Variants in OPCML observed in about 807,000 individuals in gnomAD.
OPCML encodes the protein opioid binding protein/cell adhesion molecule like, also known as opioid-binding protein/cell adhesion molecule.
OPCML carries 13 observed loss-of-function variants against 37.8 expected under a neutral mutation model. The ratio of observed to expected loss-of-function variants is 0.34; its 90% CI spans 0.22 to 0.55. OPCML has a LOEUF of 0.55. OPCML is among the 20% of genes least tolerant of loss of function. The probability of loss-of-function intolerance (pLI) is 0.91; values close to 1 mark genes in which losing one functional copy is unlikely to be tolerated. For missense variants in OPCML, 341 were observed against 435.6 expected (o/e 0.78, Z 1.93); for synonymous variants, 176 against 168.8 (o/e 1.04, Z -0.33).
chr11:132,946,073 C>T (rs922438466), intron 1 of OPCML, among the ~76,000 whole-genome samples: 4 of 152,164 alleles, frequency 2.6e-5, no homozygotes, highest in Non-Finnish European at 4.4e-5. Context: ...TGAGCCACTG[C>T]GCCCGGCCTA....
intron 1 of OPCML, among the ~76,000 whole-genome samples, chr11:133,190,373 CTT>C: frequency 6.6e-6 from 1 of 152,326 alleles, no homozygotes. Flanking sequence ...GTGGTAATCT[CTT>C]TGAATGACCA....
At chr11:132,507,281 T>C (rs1207490675) in intron 4 of OPCML, among the ~76,000 whole-genome samples, 2 of 152,034 alleles carry the variant, frequency 1.3e-5, no homozygotes, top group Non-Finnish European at 2.9e-5. Flanking sequence ...TCATAAAGTT[T>C]AGAGAAGCAA....
chr11:132,823,078 C>T (rs1940086130), intron 2 of OPCML, among the ~76,000 whole-genome samples: 1 of 152,100 alleles, frequency 6.6e-6, no homozygotes, highest in Non-Finnish European at 1.5e-5. Context: ...ATATTGCATG[C>T]CAATTATCTC....
intron 3 of OPCML, among the ~76,000 whole-genome samples, chr11:132,587,192 G>A (rs1338838439): frequency 6.6e-6 from 1 of 152,162 alleles, no homozygotes; most frequent in Non-Finnish European, 1.5e-5. Context: ...AGCACTAATA[G>A]AGGAATCTCC....
chr11:132,762,638 C>T (rs746193736), intron 2 of OPCML, among the ~76,000 whole-genome samples: 6 of 152,140 alleles, frequency 3.9e-5, no homozygotes, highest in Non-Finnish European at 7.3e-5. Flanking sequence ...CTATTCAAGC[C>T]TCAGTAATGG....
intron 4 of OPCML, among the ~76,000 whole-genome samples, chr11:132,477,967 C>T (rs765221009): frequency 6.6e-6 from 1 of 152,018 alleles, no homozygotes; most frequent in African/African-American, 2.4e-5. Context: ...GAGATAATAG[C>T]AAATAGAATT....
At chr11:132,427,167 C>T (rs952160103) in intron 7 of OPCML, among the ~76,000 whole-genome samples, 3 of 151,974 alleles carry the variant, frequency 2.0e-5, no homozygotes, top group Non-Finnish European at 2.9e-5. Flanking sequence ...AAAAAAAAAG[C>T]CCCTAGGCAA....
At chr11:133,105,529 G>A (rs1949143905) in intron 1 of OPCML, among the ~76,000 whole-genome samples, 1 of 152,134 alleles carries the variant, frequency 6.6e-6, no homozygotes, top group Non-Finnish European at 1.5e-5. Flanking sequence ...GACTTGCCAA[G>A]GTTCAGAAGT....
At chr11:132,590,709 G>A (rs1278393270) in intron 3 of OPCML, among the ~76,000 whole-genome samples, 3 of 152,024 alleles carry the variant, frequency 2.0e-5, no homozygotes, top group Admixed American at 2.0e-4. Context: ...TAAACAAACG[G>A]CACACACGCA....
chr11:133,026,391 C>T, intron 1 of OPCML: 1 of 985,372 alleles, frequency 1.0e-6, no homozygotes, highest in Non-Finnish European at 1.2e-6. Context: ...GACGAGTGAG[C>T]ACCTTGCCTG....
intron 1 of OPCML, among the ~76,000 whole-genome samples, chr11:133,303,910 A>G (rs934586027): frequency 1.3e-5 from 2 of 152,240 alleles, no homozygotes; most frequent in Non-Finnish European, 2.9e-5. Flanking sequence ...AGAGCAAAGA[A>G]TGGAAGCCTG....
chr11:133,002,783 G>A (rs937989405), intron 1 of OPCML, among the ~76,000 whole-genome samples: 6 of 151,696 alleles, frequency 4.0e-5, no homozygotes, highest in Non-Finnish European at 7.4e-5. Context: ...AAGAGAGGGG[G>A]GGGTGGGAAG....
intron 1 of OPCML, among the ~76,000 whole-genome samples, chr11:133,079,381 G>T (rs900263594): frequency 3.9e-5 from 6 of 152,140 alleles, no homozygotes; most frequent in African/African-American, 9.7e-5. Flanking sequence ...CCACATTTTT[G>T]ATGGGCAGCT....
intron 7 of OPCML, among the ~76,000 whole-genome samples, chr11:132,426,858 CA>C (rs769455483): frequency 3.6e-4 from 55 of 152,332 alleles, no homozygotes; most frequent in Non-Finnish European, 6.8e-4. Context: ...CTGCTGCATT[CA>C]GGGGTGGCTC....
chr11:132,728,382 C>T (rs532693679), intron 2 of OPCML, among the ~76,000 whole-genome samples: 190 of 152,270 alleles, frequency 1.2e-3, no homozygotes, highest in African/African-American at 4.4e-3. Flanking sequence ...ACTGTGAAGG[C>T]ATCGTTTGGG....
intron 1 of OPCML, among the ~76,000 whole-genome samples, chr11:132,957,077 G>GC (rs1161662270): frequency 6.6e-6 from 1 of 152,196 alleles, no homozygotes; most frequent in Non-Finnish European, 1.5e-5. Context: ...GCTGCAGTGA[G>GC]CTATGATCAT....
intron 1 of OPCML, among the ~76,000 whole-genome samples, chr11:133,382,896 T>C (rs1038374410): frequency 6.6e-6 from 1 of 152,308 alleles, no homozygotes; most frequent in Admixed American, 6.5e-5. Flanking sequence ...TAGATAGCTT[T>C]TCTGATCCTC....
rs530712593 is a variant in OPCML at position 133,191,498 on chromosome 11, TGTGTGG to T, written c.62-248494_62-248489del. On this transcript the variant is annotated intron_variant, in intron 1 of 7. Coordinates refer to ENST00000524381, the MANE Select transcript of OPCML (RefSeq NM_001012393.5). ...TTTCTGTATCTTTTTCTTTTCTGTG[TGTGTGG>T]GTGTGTGTGTGTGTGTGTGTGTGTG... is the stretch of plus-strand genomic sequence containing the variant. 5.0e-3 allele frequency among the ~76,000 whole-genome samples: 617 copies of T among 122,740 alleles called. 3 individuals are homozygous for T. Among genetic ancestry groups the T allele is most frequent in the African/African-American group, 0.01 (285 of 27,542 alleles). The allele number at this position is 122,740 out of a possible 152,430, so 80.5% of individuals were successfully genotyped here. A position where few individuals can be genotyped will look rare whatever the true frequency, so the allele number is the denominator to read the frequency against.
intron 4 of OPCML, among the ~76,000 whole-genome samples, chr11:132,466,521 T>C (rs537526663): frequency 1.3e-5 from 2 of 149,506 alleles, no homozygotes; most frequent in South Asian, 2.1e-4. Context: ...TCCTGGTCAA[T>C]GTTTGTTGGA....
Sources: gnomAD v4.1 joint callset for allele counts (sites outside exome capture counted in the v4.1 genomes callset) on GRCh38, gnomAD v4.1.1 for gene constraint, MANE v1.5 for transcripts, NCBI Gene and HGNC (gene_info 2026-07-23, HGNC 2026-07-21) for gene names.